Variants in TSPAN15 observed in about 807,000 individuals in gnomAD.
TSPAN15 encodes tetraspanin-15.
In TSPAN15, 20 loss-of-function variants were observed where a neutral mutation model predicts 34.5. That is an observed-to-expected ratio of 0.58 (90% CI 0.41 to 0.84). The LOEUF (loss-of-function observed/expected upper bound fraction) is 0.84, where lower values mean the gene tolerates loss of function less well. TSPAN15 is among the 40% of genes least tolerant of loss of function. TSPAN15 has a pLI of 0.00. For missense variants in TSPAN15, 313 were observed against 386.1 expected, an observed-to-expected ratio of 0.81 and a Z score of 1.59; for synonymous variants, 155 against 153.9, an observed-to-expected ratio of 1.01 and a Z score of -0.05.
At chr10:69,472,537 A>C (rs1841528890) in intron 1 of TSPAN15, among the ~76,000 whole-genome samples, 1 of 152,178 alleles carries the variant, frequency 6.6e-6, no homozygotes, top group South Asian at 2.1e-4. Flanking sequence ...TGTCTGGTAC[A>C]TAAGAGGTGC....
the TSPAN15 span, among the ~76,000 whole-genome samples, chr10:69,531,951 CAA>C: frequency 6.9e-6 from 1 of 144,832 alleles, no homozygotes; most frequent in Non-Finnish European, 1.5e-5. Context: ...AAAAAAAAAA[CAA>C]AAAAAAAACT....
At chr10:69,546,938 G>C in the TSPAN15 span, among the ~76,000 whole-genome samples, 2 of 151,988 alleles carry the variant, frequency 1.3e-5, no homozygotes, top group African/African-American at 4.8e-5. Context: ...GAGGTCAGGA[G>C]TTCAAAACCA....
chr10:69,540,693 T>C, the TSPAN15 span, among the ~76,000 whole-genome samples: 1 of 152,130 alleles, frequency 6.6e-6, no homozygotes, highest in African/African-American at 2.4e-5. Flanking sequence ...CATGCTTGCA[T>C]GCTGGAGGGC....
intron 1 of TSPAN15, among the ~76,000 whole-genome samples, chr10:69,456,217 A>G (rs916768121): frequency 4.0e-5 from 6 of 151,714 alleles, no homozygotes; most frequent in African/African-American, 1.5e-4. Context: ...CCTCCCGAGT[A>G]GCTAGGACTA....
At chr10:69,501,197 CA>C (rs1180005403) in intron 5 of TSPAN15, among the ~76,000 whole-genome samples, 4 of 152,164 alleles carry the variant, frequency 2.6e-5, no homozygotes, top group African/African-American at 9.7e-5. Flanking sequence ...AGCATCCCAT[CA>C]GGGGTGTCAA....
chr10:69,470,638 G>A (rs1841485115), intron 1 of TSPAN15, among the ~76,000 whole-genome samples: 1 of 152,156 alleles, frequency 6.6e-6, no homozygotes, highest in African/African-American at 2.4e-5. Context: ...GGTGGCAAGT[G>A]CTACTTGGGA....
intron 6 of TSPAN15, 147 bp from the exon 7 acceptor site, chr10:69,505,977 G>C (rs955662817): frequency 4.8e-6 from 3 of 631,148 alleles, no homozygotes; most frequent in African/African-American, 3.6e-5. Flanking sequence ...TCAGAATCTA[G>C]GGTCACCTTC....
intron 1 of TSPAN15, among the ~76,000 whole-genome samples, chr10:69,455,573 CTTTTCT>C (rs1841075205): frequency 1.6e-5 from 2 of 124,236 alleles, no homozygotes; most frequent in Admixed American, 1.6e-4. Context: ...CTTTCTTTCT[CTTTTCT>C]TTCTTTCTTT....
intron 1 of TSPAN15, among the ~76,000 whole-genome samples, chr10:69,467,673 C>CACACAA (rs535692277): frequency 3.9e-4 from 30 of 76,402 alleles, no homozygotes; most frequent in African/African-American, 8.6e-4. Flanking sequence ...CACACACACA[C>CACACAA]ACCTCTTCTT....
At chr10:69,484,924 T>A (rs1334618190) in intron 2 of TSPAN15, among the ~76,000 whole-genome samples, 1 of 151,930 alleles carries the variant, frequency 6.6e-6, no homozygotes, top group Non-Finnish European at 1.5e-5. Context: ...GCTGAGTCAC[T>A]CTTCCTGCCC....
At chr10:69,503,907 C>T (rs1261840396) in intron 5 of TSPAN15, among the ~76,000 whole-genome samples, 1 of 152,132 alleles carries the variant, frequency 6.6e-6, no homozygotes, top group Non-Finnish European at 1.5e-5. Context: ...CTGGAGAGCA[C>T]CTCTCTTCCC....
the TSPAN15 span, among the ~76,000 whole-genome samples, chr10:69,515,235 C>T: frequency 2.0e-5 from 3 of 152,206 alleles, no homozygotes; most frequent in African/African-American, 7.2e-5. Flanking sequence ...AACCTCTTAG[C>T]ATTTGAGGGC....
intron 5 of TSPAN15, among the ~76,000 whole-genome samples, chr10:69,502,183 C>T (rs1049220539): frequency 3.3e-5 from 5 of 152,178 alleles, no homozygotes; most frequent in Admixed American, 2.0e-4. Flanking sequence ...TAACACTCAG[C>T]TTTAAAAGAA....
At chr10:69,534,017 C>A in the TSPAN15 span, among the ~76,000 whole-genome samples, 1 of 152,186 alleles carries the variant, frequency 6.6e-6, no homozygotes, top group African/African-American at 2.4e-5. Context: ...CCACACAATA[C>A]TCTAGGAAAA....
chr10:69,488,517 G>A (rs1841902470), intron 3 of TSPAN15, among the ~76,000 whole-genome samples: 1 of 152,160 alleles, frequency 6.6e-6, no homozygotes, highest in African/African-American at 2.4e-5. Context: ...AGGTATTGGG[G>A]GAACCCACCC....
chr10:69,534,477 A>G, the TSPAN15 span, among the ~76,000 whole-genome samples: 2 of 152,212 alleles, frequency 1.3e-5, no homozygotes, highest in African/African-American at 4.8e-5. Context: ...AGAATGAAAG[A>G]GCTTATCAAA....
the TSPAN15 span, among the ~76,000 whole-genome samples, chr10:69,535,446 T>G: frequency 1.3e-5 from 2 of 152,146 alleles, no homozygotes; most frequent in Non-Finnish European, 2.9e-5. Context: ...CACAAACCAA[T>G]TTGTCTTTTT....
chr10:69,505,422 G>T (rs1212736359), intron 6 of TSPAN15, among the ~76,000 whole-genome samples: 2 of 152,122 alleles, frequency 1.3e-5, no homozygotes, highest in African/African-American at 4.8e-5. Context: ...CATACCATGG[G>T]CATCATTTTT....
chr10:69,455,522 C>G (rs1841068689), intron 1 of TSPAN15, among the ~76,000 whole-genome samples: 1 of 147,526 alleles, frequency 6.8e-6, no homozygotes, highest in Non-Finnish European at 1.5e-5. Context: ...TTCTTTCCCT[C>G]TCTTTCTTTC....
Sources: allele counts gnomAD v4.1 joint callset (sites outside exome capture counted in the v4.1 genomes callset), GRCh38; gene constraint gnomAD v4.1.1; transcripts MANE v1.5; gene names NCBI Gene and HGNC (gene_info 2026-07-23, HGNC 2026-07-21).